RBFOX1: variants seen among roughly 807,000 people sequenced by gnomAD.
RBFOX1 encodes the protein RNA binding protein fox-1 homolog 1.
A neutral mutation model predicts 57.7 loss-of-function variants in RBFOX1; 8 were observed. The ratio of observed to expected loss-of-function variants is 0.14; its 90% CI spans 0.08 to 0.25. The LOEUF is 0.25. Ranked by LOEUF, RBFOX1 falls within the 10% of genes least tolerant of loss-of-function variation. The pLI is 1.00. For missense variants in RBFOX1, 611 were observed against 548.5 expected (o/e 1.11, Z -1.14); for synonymous variants, 326 against 222.4 (o/e 1.47, Z -4.15).
downstream of RBFOX1, among the ~76,000 whole-genome samples, chr16:5,603,083 A>G (rs1396093809): frequency 6.6e-6 from 1 of 152,050 alleles, no homozygotes; most frequent in African/African-American, 2.4e-5. Context: ...CGCCCTTCCT[A>G]CTCACTGCCC....
At chr16:7,404,551 T>C (rs1011788978) in intron 4 of RBFOX1, among the ~76,000 whole-genome samples, 1 of 152,112 alleles carries the variant, frequency 6.6e-6, no homozygotes, top group African/African-American at 2.4e-5. Flanking sequence ...TGCTTCACAG[T>C]TCAAAAAGTA....
intron 1 of RBFOX1, among the ~76,000 whole-genome samples, chr16:5,296,964 C>A (rs1456335440): frequency 6.6e-6 from 1 of 152,152 alleles, no homozygotes; most frequent in Non-Finnish European, 1.5e-5. Flanking sequence ...GCATGAGCTA[C>A]CATGCCTGGC....
At chr16:6,149,422 A>G (rs971252296) in intron 1 of RBFOX1, among the ~76,000 whole-genome samples, 1 of 152,230 alleles carries the variant, frequency 6.6e-6, no homozygotes, top group African/African-American at 2.4e-5. Flanking sequence ...CTGTTCTTAG[A>G]AGTACCCGTG....
intron 1 of RBFOX1, among the ~76,000 whole-genome samples, chr16:5,424,880 TTTCTTTCTTTCTTTC>T (rs2067475984): frequency 4.0e-4 from 5 of 12,360 alleles, no homozygotes; most frequent in East Asian, 1.9e-3. Context: ...CTTTTTTTTC[TTTCTTTCTTTCTTTC>T]TTTCTTTCTT....
intron 3 of RBFOX1, among the ~76,000 whole-genome samples, chr16:6,871,653 A>T (rs2060905406): frequency 6.6e-6 from 1 of 150,656 alleles, no homozygotes; most frequent in Non-Finnish European, 1.5e-5. Context: ...TGCTGTCAAC[A>T]CTTCTAAACT....
intron 9 of RBFOX1, among the ~76,000 whole-genome samples, chr16:7,601,029 G>T (rs189827207): frequency 3.9e-5 from 6 of 152,302 alleles, no homozygotes; most frequent in African/African-American, 1.4e-4. Flanking sequence ...TCAAATGTTG[G>T]ATCTGCAATA....
intron 2 of RBFOX1, among the ~76,000 whole-genome samples, chr16:6,432,487 C>G (rs192673714): frequency 9.1e-4 from 134 of 146,976 alleles, no homozygotes; most frequent in Admixed American, 2.8e-3. Context: ...GCCTGGCCAA[C>G]AGGGTGTAAC....
downstream of RBFOX1, among the ~76,000 whole-genome samples, chr16:5,603,050 C>T (rs1300936710): frequency 2.6e-5 from 4 of 152,150 alleles, no homozygotes; most frequent in Non-Finnish European, 5.9e-5. Context: ...GAATGCAGAA[C>T]ACTCCAGGCC....
intron 4 of RBFOX1, among the ~76,000 whole-genome samples, chr16:5,869,359 C>A (rs1320394969): frequency 6.6e-6 from 1 of 152,110 alleles, no homozygotes; most frequent in Non-Finnish European, 1.5e-5. Context: ...AAACAATCAT[C>A]CAACAAGAAA....
chr16:7,654,841 A>T (rs4080132), intron 12 of RBFOX1, among the ~76,000 whole-genome samples: 3 of 151,938 alleles, frequency 2.0e-5, no homozygotes, highest in African/African-American at 7.3e-5. Flanking sequence ...GAGAGATGCT[A>T]TGTCCTCTAT....
rs901841435 is a variant in RBFOX1, at chr16:7,711,409, C to G, written c.*664C>G. 1 of 152,440 alleles carries G rather than the reference C, an allele frequency of 6.6e-6. No individual in the cohort carries two copies. The highest frequency in any genetic ancestry group is 2.4e-5 in the African/African-American group (1 of 41,382). 9.4% of individuals were successfully genotyped at this position (152,440 alleles called of 1,614,324 possible). A position where few individuals can be genotyped will look rare whatever the true frequency, so the allele number is the denominator to read the frequency against. On this transcript the variant is annotated 3_prime_UTR_variant, in exon 16 of 16. Coordinates refer to ENST00000550418, the MANE Select transcript of RBFOX1 (RefSeq NM_018723.4). ...GTGCAAACCCACCCTTTAAACCATT[C>G]CACCCGGCAGTATTCAGCTTCTTAA...
chr16:7,703,043 G>A (rs758391052), intron 14 of RBFOX1, among the ~76,000 whole-genome samples: 2 of 152,188 alleles, frequency 1.3e-5, no homozygotes, highest in Admixed American at 1.3e-4. Context: ...CCTATACAGG[G>A]AAGTGAAAGA....
intron 4 of RBFOX1, among the ~76,000 whole-genome samples, chr16:7,412,866 C>T (rs1339815782): frequency 6.6e-6 from 1 of 152,072 alleles, no homozygotes; most frequent in African/African-American, 2.4e-5. Flanking sequence ...CACGGTGAAA[C>T]CCCGTCTCTA....
intron 2 of RBFOX1, among the ~76,000 whole-genome samples, chr16:6,406,083 C>T (rs921802976): frequency 4.6e-5 from 7 of 152,200 alleles, no homozygotes; most frequent in African/African-American, 1.7e-4. Flanking sequence ...TCTTACAGGG[C>T]TCAGCCTGAA....
At chr16:5,921,126 G>A (rs2058812245) in intron 4 of RBFOX1, among the ~76,000 whole-genome samples, 1 of 152,190 alleles carries the variant, frequency 6.6e-6, no homozygotes, top group South Asian at 2.1e-4. Flanking sequence ...TTAGGATATA[G>A]GTATCATGCT....
chr16:6,452,603 C>T (rs1470294595), intron 2 of RBFOX1, among the ~76,000 whole-genome samples: 2 of 152,188 alleles, frequency 1.3e-5, no homozygotes, highest in African/African-American at 2.4e-5. Context: ...ACAAACTCAA[C>T]TATCTAAGCA....
chr16:6,945,197 A>G (rs1442299768), intron 3 of RBFOX1, among the ~76,000 whole-genome samples: 1 of 152,162 alleles, frequency 6.6e-6, no homozygotes, highest in Non-Finnish European at 1.5e-5. Flanking sequence ...TGCTTAGGAA[A>G]GCAAATTGGC....
chr16:5,535,784 C>G (rs568422655), intron 2 of RBFOX1, among the ~76,000 whole-genome samples: 2 of 152,306 alleles, frequency 1.3e-5, no homozygotes, highest in Admixed American at 6.5e-5. Flanking sequence ...TTGTGCATCT[C>G]TTATGTATGT....
In RBFOX1 at chr16:6,572,614, A is replaced by T. The variant is rs558789280; in HGVS notation, c.-63-81989A>T. Among the ~76,000 whole-genome samples, 217 of 150,786 alleles carry T rather than the reference A, an allele frequency of 1.4e-3. 4 individuals carry two copies. The highest frequency in any genetic ancestry group is 0.014 in the Admixed American group (206 of 15,182). ...ACCTTCTCTGTCTTTTTTTTTTTAG[A>T]CAGAGTCTCACTCTGTCACCCAGGC... is the stretch of plus-strand genomic sequence containing the variant. On this transcript the variant is annotated intron_variant, in intron 2 of 15. Transcript: ENST00000550418.
Sources: gnomAD v4.1 joint callset for allele counts (sites outside exome capture counted in the v4.1 genomes callset) on GRCh38, gnomAD v4.1.1 for gene constraint, MANE v1.5 for transcripts, NCBI Gene and HGNC (gene_info 2026-07-23, HGNC 2026-07-21) for gene names.